Variants in ABLIM1 observed in about 807,000 individuals in gnomAD.
The protein encoded by ABLIM1 is actin-binding LIM protein 1.
In ABLIM1, 40 loss-of-function variants were observed where a neutral mutation model predicts 107.0. The ratio of observed to expected loss-of-function variants is 0.37; its 90% CI spans 0.29 to 0.49. The LOEUF is 0.49. Among genes scored for constraint, ABLIM1 ranks in the 20% least tolerant of loss-of-function variants. ABLIM1 has a pLI of 0.97. For missense variants in ABLIM1, 857 were observed against 1,008.5 expected (o/e 0.85, Z 2.04); for synonymous variants, 357 against 357.3 (o/e 1.00, Z 0.01).
upstream of ABLIM1, among the ~76,000 whole-genome samples, chr10:114,770,002 T>C (rs1443876296): frequency 6.6e-6 from 1 of 152,178 alleles, no homozygotes; most frequent in Non-Finnish European, 1.5e-5. Flanking sequence ...ACCTAAAGCA[T>C]GATCACAGGA....
At chr10:114,609,443 T>G (rs149444707) in intron 1 of ABLIM1, among the ~76,000 whole-genome samples, 3 of 152,332 alleles carry the variant, frequency 2.0e-5, no homozygotes, top group African/African-American at 4.8e-5. Flanking sequence ...AAATATTTCC[T>G]TCTCCTCCAT....
intron 1 of ABLIM1, among the ~76,000 whole-genome samples, chr10:114,710,035 C>T (rs1479329855): frequency 6.6e-6 from 1 of 152,186 alleles, no homozygotes; most frequent in Non-Finnish European, 1.5e-5. Context: ...CACATATTTA[C>T]TTGGGCAAGA....
intron 22 of ABLIM1, among the ~76,000 whole-genome samples, chr10:114,436,717 T>C (rs1053190545): frequency 2.0e-5 from 3 of 151,976 alleles, no homozygotes; most frequent in Non-Finnish European, 2.9e-5. Flanking sequence ...ACTATCGCAA[T>C]AGAAAGCCAA....
At chr10:114,560,663 T>G (rs1306098207) in intron 4 of ABLIM1, among the ~76,000 whole-genome samples, 1 of 152,170 alleles carries the variant, frequency 6.6e-6, no homozygotes, top group Non-Finnish European at 1.5e-5. Context: ...CAACATCACC[T>G]CATGATGCAT....
intron 1 of ABLIM1, among the ~76,000 whole-genome samples, chr10:114,692,806 C>T (rs1473756379): frequency 6.6e-6 from 1 of 152,184 alleles, no homozygotes; most frequent in Admixed American, 6.5e-5. Flanking sequence ...AGGAGAATTG[C>T]TTGAACCCGG....
chr10:114,631,886 C>A (rs1442435719), intron 1 of ABLIM1: 1 of 1,304,020 alleles, frequency 7.7e-7, no homozygotes, highest in Admixed American at 2.3e-5. Context: ...GCACAGTGAT[C>A]GATATTTATA....
chr10:114,733,283 G>A (rs959597996), intron 1 of ABLIM1, among the ~76,000 whole-genome samples: 2 of 152,134 alleles, frequency 1.3e-5, no homozygotes, highest in African/African-American at 4.8e-5. Context: ...AAAGACCACA[G>A]GGAAAACAGC....
chr10:114,438,692 C>T, intron 21 of ABLIM1, among the ~76,000 whole-genome samples: 1 of 152,192 alleles, frequency 6.6e-6, no homozygotes, highest in East Asian at 1.9e-4. Context: ...TGGCAACTGC[C>T]ATATTGAAAT....
chr10:114,503,657 G>A (rs1159954671), intron 6 of ABLIM1, among the ~76,000 whole-genome samples: 3 of 152,082 alleles, frequency 2.0e-5, no homozygotes, highest in Middle Eastern at 3.2e-3. Context: ...AGTGGTTTTT[G>A]CTTTGTATTA....
chr10:114,632,730 G>T (rs1200476326), intron 1 of ABLIM1: 3 of 985,238 alleles, frequency 3.0e-6, no homozygotes, highest in Non-Finnish European at 3.6e-6. Flanking sequence ...GGGGGATTTT[G>T]ACTTCCCCCT....
chr10:114,573,480 C>G (rs1006776055), intron 3 of ABLIM1, among the ~76,000 whole-genome samples: 1 of 152,190 alleles, frequency 6.6e-6, no homozygotes, highest in African/African-American at 2.4e-5. Context: ...GTTAATAAAT[C>G]GTTTTTTATC....
rs536864113 is a variant in ABLIM1 at position 114,448,035 on chromosome 10, G to C, written c.1595-15C>G. On this transcript the variant is annotated splice_polypyrimidine_tract_variant and intron_variant, in intron 14 of 22. Transcript: ENST00000533213. ...TGCCAAGGCAGCTGCATCTAGATGG[G>C]AATCAGGGGTTGCTTAGCTATTGGT... The C allele has an allele frequency of 3.1e-6, 5 of 1,614,024 alleles. No homozygotes were observed. In the South Asian group the frequency reaches 5.5e-5, roughly 18 times the overall value.
chr10:114,672,980 G>A (rs893271974), intron 1 of ABLIM1, among the ~76,000 whole-genome samples: 15 of 151,992 alleles, frequency 9.9e-5, no homozygotes, highest in East Asian at 3.9e-4. Context: ...AAAATCAGCC[G>A]GGCTCAGTGG....
intron 2 of ABLIM1, among the ~76,000 whole-genome samples, chr10:114,588,773 G>A (rs1394026807): frequency 6.6e-6 from 1 of 151,888 alleles, no homozygotes; most frequent in Non-Finnish European, 1.5e-5. Context: ...CCAAAGTATC[G>A]GGATTACAGG....
chr10:114,796,692 T>G, the ABLIM1 span, among the ~76,000 whole-genome samples: 1 of 152,176 alleles, frequency 6.6e-6, no homozygotes, highest in Admixed American at 6.5e-5. Flanking sequence ...GTCTTTGAAC[T>G]ACATGATCTT....
intron 6 of ABLIM1, 72 bp downstream of exon 6, chr10:114,544,932 TC>T (rs2067129249): frequency 2.2e-6 from 3 of 1,351,702 alleles, no homozygotes; most frequent in Non-Finnish European, 3.2e-6. Flanking sequence ...TGGGAAAGGG[TC>T]CCCTCTTGTT....
intron 6 of ABLIM1, among the ~76,000 whole-genome samples, chr10:114,512,741 C>T (rs1393283661): frequency 6.6e-6 from 1 of 151,902 alleles, no homozygotes; most frequent in Non-Finnish European, 1.5e-5. Flanking sequence ...AGGAGAATCG[C>T]TTGAACCCAG....
the ABLIM1 span, chr10:114,776,235 T>G: frequency 6.6e-6 from 1 of 152,176 alleles, no homozygotes; most frequent in Admixed American, 6.5e-5. Context: ...ATTCCATTTA[T>G]TTTTTCATAA....
chr10:114,518,271 T>C (rs890676402), intron 6 of ABLIM1, among the ~76,000 whole-genome samples: 4 of 152,152 alleles, frequency 2.6e-5, no homozygotes, highest in South Asian at 2.1e-4. Flanking sequence ...AGTGACACTA[T>C]AGACCCAACT....
Sources: gnomAD v4.1 joint callset for allele counts (sites outside exome capture counted in the v4.1 genomes callset) on GRCh38, gnomAD v4.1.1 for gene constraint, MANE v1.5 for transcripts, NCBI Gene and HGNC (gene_info 2026-07-23, HGNC 2026-07-21) for gene names.